The following CCDC102B variants were observed in gnomAD, a reference collection of about 807,000 sequenced individuals.
CCDC102B encodes coiled-coil domain-containing protein 102B.
In CCDC102B, 75 loss-of-function variants were observed where a neutral mutation model predicts 57.4. The ratio of observed to expected loss-of-function variants is 1.31; its 90% confidence interval spans 1.08 to 1.58. The LOEUF is 1.58. Ranked by LOEUF, CCDC102B falls within the 40% of genes most tolerant of loss-of-function variation. The pLI, the probability that CCDC102B is intolerant of heterozygous loss-of-function variation, is 0.00. For missense variants in CCDC102B, 636 were observed against 582.6 expected (o/e 1.09, Z -0.94); for synonymous variants, 206 against 201.9 (o/e 1.02, Z -0.17).
chr18:68,927,352 T>G (rs1485896986), intron 6 of CCDC102B, among the ~76,000 whole-genome samples: 1 of 152,010 alleles, frequency 6.6e-6, no homozygotes, highest in African/African-American at 2.4e-5. Context: ...ACAAATATCT[T>G]GTGAGCAGCT....
intron 2 of CCDC102B, among the ~76,000 whole-genome samples, chr18:68,740,699 G>A (rs1160455619): frequency 1.3e-5 from 2 of 152,230 alleles, no homozygotes; most frequent in Non-Finnish European, 2.9e-5. Context: ...CGGACGGGAC[G>A]GGTACATCTG....
chr18:68,904,950 T>A (rs1156740219), intron 6 of CCDC102B, among the ~76,000 whole-genome samples: 1 of 152,140 alleles, frequency 6.6e-6, no homozygotes, highest in African/African-American at 2.4e-5. Context: ...AATATAGTGT[T>A]TGGCACATCC....
At chr18:68,915,840 C>T (rs1417688545) in intron 6 of CCDC102B, among the ~76,000 whole-genome samples, 1 of 152,106 alleles carries the variant, frequency 6.6e-6, no homozygotes, top group African/African-American at 2.4e-5. Flanking sequence ...TTGTAAAGTA[C>T]GAATGAAGAT....
At chr18:68,980,306 G>T (rs1340142431) in intron 6 of CCDC102B, among the ~76,000 whole-genome samples, 1 of 143,764 alleles carries the variant, frequency 7.0e-6, no homozygotes, top group Non-Finnish European at 1.5e-5. Flanking sequence ...AATACCAAAT[G>T]ATACTGTGAT....
intron 6 of CCDC102B, among the ~76,000 whole-genome samples, chr18:68,968,956 G>A (rs2050229482): frequency 6.6e-6 from 1 of 151,934 alleles, no homozygotes. Flanking sequence ...TTAATTATGT[G>A]GAGTTTTTTT....
At chr18:68,718,536 G>T (rs1314273044) in intron 2 of CCDC102B, among the ~76,000 whole-genome samples, 2 of 152,128 alleles carry the variant, frequency 1.3e-5, no homozygotes, top group East Asian at 3.9e-4. Context: ...ACAATGATAC[G>T]TTCACATTGC....
chr18:68,846,789 T>C (rs1977941), intron 4 of CCDC102B, among the ~76,000 whole-genome samples: 44,046 of 151,604 alleles, frequency 0.29, 6,828 homozygotes, highest in Non-Finnish European at 0.34. Context: ...TTAGAGGGGA[T>C]GGTTAAAGAT....
At chr18:69,003,637 A>C (rs1199398506) in intron 6 of CCDC102B, among the ~76,000 whole-genome samples, 2 of 152,206 alleles carry the variant, frequency 1.3e-5, no homozygotes, top group African/African-American at 4.8e-5. Context: ...ATGAGCACAT[A>C]AAACAGTCTC....
chr18:68,886,692 C>T (rs542438922), intron 5 of CCDC102B, among the ~76,000 whole-genome samples: 158 of 152,062 alleles, frequency 1.0e-3, no homozygotes, highest in African/African-American at 3.7e-3. Flanking sequence ...ACATAGTAAC[C>T]ATTTTGATTG....
chr18:68,889,859 C>A (rs573243133), intron 5 of CCDC102B, among the ~76,000 whole-genome samples: 2 of 152,266 alleles, frequency 1.3e-5, no homozygotes, highest in South Asian at 4.1e-4. Flanking sequence ...CAGTTGGATC[C>A]CTTTTAGGCT....
intron 2 of CCDC102B, among the ~76,000 whole-genome samples, chr18:68,789,431 A>G (rs201033466): frequency 2.8e-3 from 425 of 152,276 alleles, no homozygotes; most frequent in East Asian, 0.017. Context: ...GTGTTTTCCA[A>G]CTTGGTTTCA....
chr18:68,955,253 T>A (rs2049811851), intron 6 of CCDC102B, among the ~76,000 whole-genome samples: 1 of 152,124 alleles, frequency 6.6e-6, no homozygotes, highest in African/African-American at 2.4e-5. Flanking sequence ...GAAATAATGT[T>A]AAAATGAAGG....
chr18:68,858,130 G>A (rs137911650), intron 4 of CCDC102B, among the ~76,000 whole-genome samples: 7 of 152,234 alleles, frequency 4.6e-5, no homozygotes, highest in African/African-American at 1.2e-4. Context: ...GTCTGCACAT[G>A]GTGTGCCCCC....
chr18:68,941,998 A>G (rs971424504), intron 6 of CCDC102B, among the ~76,000 whole-genome samples: 1 of 152,072 alleles, frequency 6.6e-6, no homozygotes, highest in Admixed American at 6.6e-5. Context: ...AAAGAAGATT[A>G]TTGTGCTCGT....
At chr18:68,956,395 TA>T (rs1303600818) in intron 6 of CCDC102B, among the ~76,000 whole-genome samples, 1 of 48,628 alleles carries the variant, frequency 2.1e-5, no homozygotes, top group Non-Finnish European at 4.7e-5. Flanking sequence ...ATAATATATA[TA>T]TAAATATATT....
intron 3 of CCDC102B, among the ~76,000 whole-genome samples, chr18:68,843,123 C>T (rs1023947610): frequency 6.6e-6 from 1 of 152,136 alleles, no homozygotes; most frequent in East Asian, 1.9e-4. Context: ...AGTGCTAACA[C>T]CCAGTGCTGA....
chr18:68,982,776 T>G (rs2050625030), intron 6 of CCDC102B, among the ~76,000 whole-genome samples: 1 of 151,946 alleles, frequency 6.6e-6, no homozygotes. Flanking sequence ...ATAATCCCCT[T>G]CTATAAAAAT....
chr18:68,874,984 A>G (rs1347130849), intron 5 of CCDC102B, 199 bp downstream of exon 5: 1 of 382,354 alleles, frequency 2.6e-6, no homozygotes, highest in Admixed American at 4.0e-5. Flanking sequence ...GAACTATTTG[A>G]ATATTACAAA....
chr18:69,015,312 A>G lies in CCDC102B; in HGVS notation c.1434+4208A>G, dbSNP rs140805459. Among the ~76,000 whole-genome samples, 74 of 152,336 alleles carry G rather than the reference A, an allele frequency of 4.9e-4. No homozygotes were observed. The East Asian group carries it at 5.0e-3, about 10-fold the overall frequency. Reference sequence around the variant, plus strand: ...CTGACCCAAAGCACCATTAACTCACATGCATATTTTAATGTGTATTATTTG... The same window carrying G: ...CTGACCCAAAGCACCATTAACTCACGTGCATATTTTAATGTGTATTATTTG... On this transcript the variant is annotated intron_variant, in intron 7 of 7. Coordinates refer to ENST00000360242, the MANE Select transcript of CCDC102B (RefSeq NM_024781.3).
Sources: gnomAD v4.1 joint callset for allele counts (sites outside exome capture counted in the v4.1 genomes callset) on GRCh38, gnomAD v4.1.1 for gene constraint, MANE v1.5 for transcripts, NCBI Gene and HGNC (gene_info 2026-07-23, HGNC 2026-07-21) for gene names.